Variants in PTPRD observed in about 807,000 individuals in gnomAD.
PTPRD encodes protein tyrosine phosphatase receptor type D.
A neutral mutation model predicts 214.5 loss-of-function variants in PTPRD; 34 were observed. The ratio of observed to expected loss-of-function variants is 0.16; its 90% confidence interval spans 0.12 to 0.21. PTPRD has a LOEUF of 0.21. PTPRD is among the 10% of genes least tolerant of loss of function. PTPRD has a pLI of 1.00. For missense variants in PTPRD, 2,545 were observed against 2,398.7 expected, an observed-to-expected ratio of 1.06 and a Z score of -1.27; for synonymous variants, 1,128 against 845.7, an observed-to-expected ratio of 1.33 and a Z score of -5.79.
chr9:9,667,550 C>T (rs1294851856), intron 7 of PTPRD, among the ~76,000 whole-genome samples: 1 of 151,994 alleles, frequency 6.6e-6, no homozygotes, highest in African/African-American at 2.4e-5. Context: ...CATTTTCTAC[C>T]CCTTAGAAGC....
chr9:9,373,399 C>T (rs1381534465), intron 9 of PTPRD, among the ~76,000 whole-genome samples: 1 of 152,074 alleles, frequency 6.6e-6, no homozygotes, highest in African/African-American at 2.4e-5. Context: ...TTTCTTAGTG[C>T]TGCTGTAACA....
At chr9:10,428,765 G>A (rs535330573) in intron 2 of PTPRD, among the ~76,000 whole-genome samples, 21 of 152,154 alleles carry the variant, frequency 1.4e-4, no homozygotes, top group East Asian at 1.2e-3. Context: ...GGAATAATGA[G>A]TGACTGTATT....
At chr9:8,660,698 G>C (rs757960290) in intron 12 of PTPRD, among the ~76,000 whole-genome samples, 1 of 152,054 alleles carries the variant, frequency 6.6e-6, no homozygotes, top group Non-Finnish European at 1.5e-5. Context: ...CTCTGCATTT[G>C]GTCCTGCTAA....
chr9:8,415,854 G>C (rs963624380), intron 35 of PTPRD, among the ~76,000 whole-genome samples: 2 of 151,950 alleles, frequency 1.3e-5, no homozygotes, highest in African/African-American at 2.4e-5. Flanking sequence ...ACTAATGCAA[G>C]TGAGGTTTCC....
chr9:9,261,936 G>A (rs1207824440), intron 9 of PTPRD, among the ~76,000 whole-genome samples: 1 of 151,608 alleles, frequency 6.6e-6, no homozygotes, highest in East Asian at 2.0e-4. Flanking sequence ...CTAATAAATG[G>A]ACCTACCTGC....
chr9:8,460,690 C>A, intron 32 of PTPRD, 119 bp from the exon 33 acceptor site: 6 of 929,224 alleles, frequency 6.5e-6, no homozygotes, highest in East Asian at 2.7e-5. Flanking sequence ...GTGTGTGATG[C>A]AATATTAGCA....
intron 12 of PTPRD, among the ~76,000 whole-genome samples, chr9:8,720,237 G>A (rs934200266): frequency 1.3e-5 from 2 of 152,046 alleles, no homozygotes; most frequent in Non-Finnish European, 2.9e-5. Flanking sequence ...GTGTGGGCTG[G>A]CTGAGTATTT....
intron 7 of PTPRD, among the ~76,000 whole-genome samples, chr9:9,666,081 C>G (rs1287669392): frequency 6.6e-6 from 1 of 151,798 alleles, no homozygotes; most frequent in Admixed American, 6.6e-5. Context: ...CGGTAACTAT[C>G]CACATATCAA....
intron 3 of PTPRD, among the ~76,000 whole-genome samples, chr9:10,074,274 GC>G (rs2098090751): frequency 6.6e-6 from 1 of 152,064 alleles, no homozygotes. Flanking sequence ...TCCTATAGTG[GC>G]CTGAGAATGT....
intron 3 of PTPRD, among the ~76,000 whole-genome samples, chr9:10,323,849 A>G (rs1170611994): frequency 2.0e-5 from 3 of 152,028 alleles, no homozygotes; most frequent in Admixed American, 6.6e-5. Flanking sequence ...CTCCAAGTTT[A>G]CAAGTGATCA....
chr9:9,400,230 C>T (rs2069733450), intron 8 of PTPRD, among the ~76,000 whole-genome samples: 1 of 151,350 alleles, frequency 6.6e-6, no homozygotes, highest in African/African-American at 2.4e-5. Context: ...GGGTAAGGAA[C>T]AGCAGAGATC....
intron 7 of PTPRD, among the ~76,000 whole-genome samples, chr9:9,628,032 T>TTG (rs2095476386): frequency 6.6e-6 from 1 of 152,184 alleles, no homozygotes; most frequent in South Asian, 2.1e-4. Flanking sequence ...AAACTAATAT[T>TTG]TGTATATTTG....
At chr9:8,523,080 A>G (rs2097922110) in intron 19 of PTPRD, among the ~76,000 whole-genome samples, 1 of 152,182 alleles carries the variant, frequency 6.6e-6, no homozygotes, top group South Asian at 2.1e-4. Flanking sequence ...GAGCCAGTGT[A>G]GACTCTGAGG....
intron 8 of PTPRD, among the ~76,000 whole-genome samples, chr9:9,461,370 G>A (rs1440253114): frequency 6.6e-6 from 1 of 151,956 alleles, no homozygotes; most frequent in Non-Finnish European, 1.5e-5. Context: ...TAGAGAAGTT[G>A]TCTGTATTTT....
chr9:10,498,326 A>G (rs2042707115), intron 2 of PTPRD, among the ~76,000 whole-genome samples: 2 of 152,140 alleles, frequency 1.3e-5, no homozygotes, highest in African/African-American at 4.8e-5. Flanking sequence ...GGTTATCTTA[A>G]AAATAATCTG....
chr9:9,448,310 G>A (rs1174761228), intron 8 of PTPRD, among the ~76,000 whole-genome samples: 1 of 151,976 alleles, frequency 6.6e-6, no homozygotes, highest in African/African-American at 2.4e-5. Context: ...GAGGAGGGAG[G>A]GACCTGTAAT....
rs1470662346 is a variant in PTPRD, at chr9:10,408,740, C to G, written c.-599-67723G>C. Among the ~76,000 whole-genome samples, 8 of 151,698 alleles carry G rather than the reference C, an allele frequency of 5.3e-5. No individual in the cohort carries two copies. The East Asian group carries it at 1.6e-3, about 30-fold the overall frequency. ...CAACTTGGGTTTAATCCTTGACTCC[C>G]TCACTTGGGCAGTGTGTTTAGTCTT... On this transcript the variant is annotated intron_variant, in intron 2 of 45. Coordinates refer to ENST00000381196, the MANE Select transcript of PTPRD (RefSeq NM_002839.4).
chr9:8,986,985 G>A (rs753489376), intron 11 of PTPRD, among the ~76,000 whole-genome samples: 1 of 151,884 alleles, frequency 6.6e-6, no homozygotes, highest in Non-Finnish European at 1.5e-5. Context: ...CCTGTGAATT[G>A]CTTGCTTCCT....
chr9:9,270,021 T>C (rs373881111), intron 9 of PTPRD, among the ~76,000 whole-genome samples: 2 of 150,716 alleles, frequency 1.3e-5, no homozygotes, highest in East Asian at 2.0e-4. Context: ...ATAATATTAC[T>C]ATAACATGTT....
Sources: gnomAD v4.1 joint callset for allele counts (sites outside exome capture counted in the v4.1 genomes callset) on GRCh38, gnomAD v4.1.1 for gene constraint, MANE v1.5 for transcripts, NCBI Gene and HGNC (gene_info 2026-07-23, HGNC 2026-07-21) for gene names.